ITPR2: variants seen among roughly 807,000 people sequenced by gnomAD.
ITPR2 encodes inositol 1,4,5-trisphosphate-gated calcium channel ITPR2.
Under a neutral mutation model 317.1 loss-of-function variants are expected in ITPR2, and 207 were observed. The ratio of observed to expected loss-of-function variants is 0.65; its 90% CI spans 0.58 to 0.73. The LOEUF (loss-of-function observed/expected upper bound fraction) is 0.73, where lower values mean the gene tolerates loss of function less well. Among genes scored for constraint, ITPR2 ranks in the 30% least tolerant of loss-of-function variants. The probability of loss-of-function intolerance (pLI) is 0.00; values close to 1 mark genes in which losing one functional copy is unlikely to be tolerated. For synonymous variants in ITPR2, 1,156 were observed against 1,149.1 expected, an observed-to-expected ratio of 1.01 and a Z score of -0.12; for missense variants, 2,613 against 3,284.0, an observed-to-expected ratio of 0.80 and a Z score of 4.99.
At chr12:26,477,713 C>G (rs1942451357) in intron 43 of ITPR2, among the ~76,000 whole-genome samples, 1 of 152,096 alleles carries the variant, frequency 6.6e-6, no homozygotes, top group African/African-American at 2.4e-5. Flanking sequence ...ACCATTTCTA[C>G]ATACAGATAT....
chr12:26,683,208 C>A (rs74891048), intron 11 of ITPR2, among the ~76,000 whole-genome samples: 19,860 of 152,126 alleles, frequency 0.13, 1,692 homozygotes, highest in Non-Finnish European at 0.19. Context: ...TTGTAGCCCC[C>A]AAATCAATAT....
At chr12:26,617,679 G>GGAAGGAAGGAGGGAAGGAAGGAGA (rs1174555045) in intron 26 of ITPR2, among the ~76,000 whole-genome samples, 11 of 143,320 alleles carry the variant, frequency 7.7e-5, no homozygotes, top group Admixed American at 1.4e-4. Flanking sequence ...AAGGAAGGAG[G>GGAAGGAAGGAGGGAAGGAAGGAGA]GAAGGAAGGA....
chr12:26,568,016 AT>A lies in ITPR2; in HGVS notation c.4631-6065del, dbSNP rs1181159152. ...TATATATTATATATATTATATATAT[AT>A]ATATATATATATATAAAATGTCAAA... On this transcript the variant is annotated intron_variant, in intron 34 of 56. Coordinates refer to ENST00000381340, the MANE Select transcript of ITPR2 (RefSeq NM_002223.4). Among the ~76,000 whole-genome samples, 34 of 96,472 alleles carry A rather than the reference AT, an allele frequency of 3.5e-4. 2 individuals are homozygous for A. Among genetic ancestry groups the A allele is most frequent in the Admixed American group, 1.3e-3 (10 of 7,832 alleles). The allele number at this position is 96,472 out of a possible 152,430, so 63.3% of individuals were successfully genotyped here.
chr12:26,714,117 T>C (rs1948696887), intron 8 of ITPR2, among the ~76,000 whole-genome samples: 1 of 152,250 alleles, frequency 6.6e-6, no homozygotes, highest in Non-Finnish European at 1.5e-5. Context: ...AACCATGTCA[T>C]AAACTTAGTT....
chr12:26,542,424 T>G (rs919126756), intron 37 of ITPR2, among the ~76,000 whole-genome samples: 1 of 151,762 alleles, frequency 6.6e-6, no homozygotes, highest in African/African-American at 2.4e-5. Context: ...GAATCCCAGG[T>G]CTCTTTCTCC....
chr12:26,562,002 CT>C, intron 34 of ITPR2, 50 bp from the exon 35 acceptor site: 1 of 1,275,066 alleles, frequency 7.8e-7, no homozygotes, highest in South Asian at 1.8e-5. Flanking sequence ...ACTAAAGTTT[CT>C]TACATATTAT....
intron 37 of ITPR2, among the ~76,000 whole-genome samples, chr12:26,537,792 T>C (rs1477188367): frequency 6.6e-6 from 1 of 152,186 alleles, no homozygotes; most frequent in Non-Finnish European, 1.5e-5. Context: ...CAGCGATAAC[T>C]GAGATAAGAT....
At chr12:26,639,872 G>C (rs1216637731) in intron 21 of ITPR2, among the ~76,000 whole-genome samples, 1 of 152,004 alleles carries the variant, frequency 6.6e-6, no homozygotes, top group Non-Finnish European at 1.5e-5. Flanking sequence ...GTCTATCGTT[G>C]TTGGACATTT....
At chr12:26,724,118 C>CT (rs1565719149) in intron 4 of ITPR2, among the ~76,000 whole-genome samples, 1 of 152,012 alleles carries the variant, frequency 6.6e-6, no homozygotes, top group South Asian at 2.1e-4. Context: ...GCCTTACATT[C>CT]TTTTTTGAAA....
chr12:26,765,920 T>C (rs1949711726), intron 2 of ITPR2, among the ~76,000 whole-genome samples: 1 of 152,188 alleles, frequency 6.6e-6, no homozygotes, highest in Non-Finnish European at 1.5e-5. Flanking sequence ...ACTGGATTAT[T>C]TCACTTAGCA....
chr12:26,645,238 CTGT>C (rs1373723334), intron 21 of ITPR2, among the ~76,000 whole-genome samples: 1 of 152,148 alleles, frequency 6.6e-6, no homozygotes, highest in Non-Finnish European at 1.5e-5. Context: ...GTCATTGCTG[CTGT>C]TATTTAAAAA....
At chr12:26,615,968 A>T (rs1946364144) in intron 26 of ITPR2, among the ~76,000 whole-genome samples, 1 of 152,136 alleles carries the variant, frequency 6.6e-6, no homozygotes, top group African/African-American at 2.4e-5. Flanking sequence ...ACAATGGACA[A>T]TTACAAAACC....
intron 49 of ITPR2, among the ~76,000 whole-genome samples, chr12:26,420,715 T>C (rs1279016505): frequency 1.3e-5 from 2 of 152,140 alleles, no homozygotes; most frequent in Non-Finnish European, 1.5e-5. Context: ...TGTAGCATAA[T>C]GAATGTATTT....
chr12:26,650,053 T>A (rs1229280371), intron 21 of ITPR2, among the ~76,000 whole-genome samples: 1 of 150,854 alleles, frequency 6.6e-6, no homozygotes, highest in African/African-American at 2.4e-5. Context: ...GTTAAATAAA[T>A]TAATAAATTA....
intron 9 of ITPR2, among the ~76,000 whole-genome samples, chr12:26,698,073 G>C (rs1452011534): frequency 6.6e-6 from 1 of 152,122 alleles, no homozygotes; most frequent in East Asian, 1.9e-4. Flanking sequence ...ACCAACTAAT[G>C]AGGGACCAGA....
At chr12:26,598,189 G>GA (rs1246438660) in intron 30 of ITPR2, among the ~76,000 whole-genome samples, 1 of 152,026 alleles carries the variant, frequency 6.6e-6, no homozygotes, top group Non-Finnish European at 1.5e-5. Context: ...ATGCAGATAA[G>GA]AAAAAGGTGC....
intron 10 of ITPR2, among the ~76,000 whole-genome samples, chr12:26,690,714 G>A (rs1948223080): frequency 6.6e-6 from 1 of 152,098 alleles, no homozygotes; most frequent in African/African-American, 2.4e-5. Context: ...CCCTGTAAAG[G>A]CCCAACAAGA....
chr12:26,789,833 AT>A (rs1382729730), intron 2 of ITPR2, among the ~76,000 whole-genome samples: 1 of 152,270 alleles, frequency 6.6e-6, no homozygotes, highest in African/African-American at 2.4e-5. Flanking sequence ...TATAACATTT[AT>A]AACTGTCAGA....
intron 13 of ITPR2, among the ~76,000 whole-genome samples, chr12:26,677,950 A>G (rs988262173): frequency 6.6e-6 from 1 of 152,162 alleles, no homozygotes; most frequent in Non-Finnish European, 1.5e-5. Context: ...ATCATGGGGA[A>G]TGAGAACCAT....
Sources: allele counts gnomAD v4.1 joint callset (sites outside exome capture counted in the v4.1 genomes callset), GRCh38; gene constraint gnomAD v4.1.1; transcripts MANE v1.5; gene names NCBI Gene and HGNC (gene_info 2026-07-23, HGNC 2026-07-21).